The following KIRREL3 variants were observed in gnomAD, a reference collection of about 807,000 sequenced individuals.
KIRREL3 encodes the protein kirre like nephrin family adhesion molecule 3, also known as kin of IRRE-like protein 3.
In KIRREL3, 36 loss-of-function variants were observed where a neutral mutation model predicts 89.7. The ratio of observed to expected loss-of-function variants is 0.40; its 90% CI spans 0.31 to 0.53. The LOEUF is 0.53. KIRREL3 is among the 20% of genes least tolerant of loss of function. The pLI is 0.49. For synonymous variants in KIRREL3, 445 were observed against 441.4 expected (o/e 1.01, Z -0.10); for missense variants, 864 against 1,056.6 (o/e 0.82, Z 2.53).
In KIRREL3 at chr11:126,520,642, G is replaced by A. The variant is rs1260756211; in HGVS notation, c.433+673C>T. Among the ~76,000 whole-genome samples the A allele has an allele frequency of 6.6e-6, 1 of 152,192 alleles. No individual in the cohort carries two copies. Among genetic ancestry groups the A allele is most frequent in the Non-Finnish European group, 1.5e-5 (1 of 68,026 alleles). The stretch of plus-strand genomic sequence containing the variant: ...TAAATCAGAACTAGGCGGTTTAAGA[G>A]GTCACCGAGCCCATTCCCCTGTCTT... On this transcript the variant is annotated intron_variant, in intron 4 of 16. Transcript: ENST00000525144. The surrounding 1 kb of genome is among the most constrained non-coding windows in gnomAD (Gnocchi z 4.9).
rs1380709671 is a variant in KIRREL3, at chr11:126,498,733, T to G, written c.433+22582A>C. Among the ~76,000 whole-genome samples, 2 of 152,218 alleles carry G rather than the reference T, an allele frequency of 1.3e-5. No homozygotes were observed. Among genetic ancestry groups the G allele is most frequent in the Admixed American group, 1.3e-4 (2 of 15,292 alleles). On this transcript the variant is annotated intron_variant, in intron 4 of 16. Transcript: ENST00000525144. The surrounding 1 kb of genome is among the most constrained non-coding windows in gnomAD (Gnocchi z 4.3). ...GAGCTGGCCTGGCGTCCCAGTATCCTGCTTCCTGGGAGGAGCACCTTCCCT... is the reference window on the plus strand; with the variant it reads ...GAGCTGGCCTGGCGTCCCAGTATCCGGCTTCCTGGGAGGAGCACCTTCCCT...
rs182307287 is a variant in KIRREL3 at position 126,577,397 on chromosome 11, T to G, written c.56-14485A>C. Among the ~76,000 whole-genome samples the G allele has an allele frequency of 2.9e-3, 445 of 151,630 alleles. 1 individual carries two copies. Among genetic ancestry groups the G allele is most frequent in the Non-Finnish European group, 5.1e-3 (349 of 67,890 alleles). On this transcript the variant is annotated intron_variant, in intron 1 of 16. Transcript: ENST00000525144. ...GGTCCAGGGCATCTGTTGGACAAAT[T>G]TGGGTCTGATAACTCAGAGTGGGGA...
chr11:126,835,873 G>T (rs552093895), intron 1 of KIRREL3, among the ~76,000 whole-genome samples: 1 of 152,300 alleles, frequency 6.6e-6, no homozygotes, highest in South Asian at 2.1e-4. Flanking sequence ...GTGCACTAGA[G>T]ACTGAGATCA....
Position 126,890,764 on chromosome 11 carries a change from C to A in KIRREL3, c.55+109691G>T, listed in dbSNP as rs1360739688. On this transcript the variant is annotated intron_variant, in intron 1 of 16. Transcript: ENST00000525144. The surrounding 1 kb of genome is among the most constrained non-coding windows in gnomAD (Gnocchi z 5.1). ...AGTAGACGACTGCAAACATGAGCGTCCCCCAGTCCCAGCACCACAGCGGCC... is the reference window on the plus strand; with the variant it reads ...AGTAGACGACTGCAAACATGAGCGTACCCCAGTCCCAGCACCACAGCGGCC... Among the ~76,000 whole-genome samples the A allele has an allele frequency of 6.6e-6, 1 of 152,230 alleles. No homozygotes were observed. Among genetic ancestry groups the A allele is most frequent in the Non-Finnish European group, 1.5e-5 (1 of 68,046 alleles).
At chr11:126,497,145 C>T (rs917076554) in intron 4 of KIRREL3, among the ~76,000 whole-genome samples, 7 of 150,452 alleles carry the variant, frequency 4.7e-5, no homozygotes, top group Admixed American at 1.3e-4. Context: ...AGAGAGAGAG[C>T]GAGAGAGTGT....
rs113526673 is a variant in KIRREL3, at chr11:126,844,698, G to T, written c.55+155757C>A. On this transcript the variant is annotated intron_variant, in intron 1 of 16. Transcript: ENST00000525144. The surrounding 1 kb of genome is among the most constrained non-coding windows in gnomAD (Gnocchi z 4.8). ...GTAAAGTCTCTCTCAGCTAAGAATG[G>T]GTTTGGCACTATAGGATGTTAACTG... 2.0e-3 allele frequency among the ~76,000 whole-genome samples: 297 copies of T among 152,256 alleles called. No homozygotes were observed. The highest frequency in any genetic ancestry group is 6.8e-3 in the African/African-American group (284 of 41,552).
chr11:126,673,276 T>G (rs1946040308), intron 1 of KIRREL3, among the ~76,000 whole-genome samples: 1 of 152,234 alleles, frequency 6.6e-6, no homozygotes, highest in South Asian at 2.1e-4. Context: ...GAGATAATTG[T>G]GCTGCTTGTT....
intron 1 of KIRREL3, among the ~76,000 whole-genome samples, chr11:126,921,715 T>C (rs1947314412): frequency 6.6e-6 from 1 of 151,258 alleles, no homozygotes; most frequent in Admixed American, 6.6e-5. Flanking sequence ...TTTTTCTTTC[T>C]ATCTATATCT....
rs1389359969 is a variant in KIRREL3, at chr11:126,799,399, C to T, written c.55+201056G>A. Among the ~76,000 whole-genome samples, 51 of 1,598 alleles carry T rather than the reference C, an allele frequency of 0.032. 12 individuals carry two copies. In the East Asian group the frequency reaches 0.47, roughly 15 times the overall value. 1.0% of individuals were successfully genotyped at this position (1,598 alleles called of 152,430 possible). A position where few individuals can be genotyped will look rare whatever the true frequency, so the allele number is the denominator to read the frequency against. On this transcript the variant is annotated intron_variant, in intron 1 of 16. Transcript: ENST00000525144. Reference sequence around the variant, plus strand: ...GTGTGCATGCGTGTATCTGTGTGTGCATCTATCTGTGTGTGCGTCTCTGTG... The same window carrying T: ...GTGTGCATGCGTGTATCTGTGTGTGTATCTATCTGTGTGTGCGTCTCTGTG...
chr11:126,933,178 T>C (rs1350847984), intron 1 of KIRREL3, among the ~76,000 whole-genome samples: 1 of 152,178 alleles, frequency 6.6e-6, no homozygotes, highest in Non-Finnish European at 1.5e-5. Context: ...GGAAAAATGC[T>C]GTGCAATTCA....
At position 126,475,104 on chromosome 11, in the gene KIRREL3, G is replaced by C. The variant is rs1270370709; in HGVS notation, c.434-1638C>G. On this transcript the variant is annotated intron_variant, in intron 4 of 16. Transcript: ENST00000525144. This position sits in a 1 kb window ranked among gnomAD's most constrained non-coding sequence, Gnocchi z 7.5. ...TGTGTACACAGCAAACACAGAAGGG[G>C]TAGTTGGATAACGGGGGCGTGGGAA... 6.6e-6 allele frequency among the ~76,000 whole-genome samples: 1 copy of C among 152,224 alleles called. No individual in the cohort carries two copies. The highest frequency in any genetic ancestry group is 1.5e-5 in the Non-Finnish European group (1 of 68,038).
Position 126,906,219 on chromosome 11 carries a change from G to A in KIRREL3, c.55+94236C>T, listed in dbSNP as rs761637187. Among the ~76,000 whole-genome samples, 1 of 152,098 alleles carries A rather than the reference G, an allele frequency of 6.6e-6. No homozygotes were observed. The highest frequency in any genetic ancestry group is 2.1e-4 in the South Asian group (1 of 4,824). ...GACTTTCTGACAGCTCCCTTTCTGC[G>A]GGCTGACTGCTCAAGAAGCAAGATG... On this transcript the variant is annotated intron_variant, in intron 1 of 16. Transcript: ENST00000525144. This position sits in a 1 kb window ranked among gnomAD's most constrained non-coding sequence, Gnocchi z 4.1.
chr11:126,512,770 C>T (rs760104756), intron 4 of KIRREL3, among the ~76,000 whole-genome samples: 1 of 152,160 alleles, frequency 6.6e-6, no homozygotes, highest in African/African-American at 2.4e-5. Context: ...GGTATATTAT[C>T]CTTGCTCTCA....
intron 1 of KIRREL3, among the ~76,000 whole-genome samples, chr11:126,824,492 C>A (rs546012846): frequency 6.6e-6 from 1 of 152,236 alleles, no homozygotes; most frequent in Non-Finnish European, 1.5e-5. Context: ...CTCAATCGAT[C>A]CAGAAAGTTT....
rs151242529 is a variant in KIRREL3, at chr11:126,878,800, C to A, written c.55+121655G>T. Among the ~76,000 whole-genome samples the A allele has an allele frequency of 1.1e-4, 17 of 152,132 alleles. No homozygotes were observed. In the East Asian group the frequency reaches 3.1e-3, roughly 28 times the overall value. ...GTTTTTGGATAGTTCAGCATATATC[C>A]ATATTAAAGCTTTTAAGCCTCCCAA... On this transcript the variant is annotated intron_variant, in intron 1 of 16. Transcript: ENST00000525144.
intron 6 of KIRREL3, among the ~76,000 whole-genome samples, chr11:126,457,507 A>ATG (rs544538678): frequency 1.2e-4 from 18 of 149,694 alleles, no homozygotes; most frequent in Admixed American, 6.7e-4. Context: ...GCGTGTGTGT[A>ATG]TGTGTGTGTG....
chr11:126,546,109 T>C (rs1300852229), intron 2 of KIRREL3, among the ~76,000 whole-genome samples: 1 of 152,190 alleles, frequency 6.6e-6, no homozygotes, highest in Non-Finnish European at 1.5e-5. Flanking sequence ...GGATATATGA[T>C]AAATAAGGGG....
At chr11:126,868,864 G>A (rs922443253) in intron 1 of KIRREL3, among the ~76,000 whole-genome samples, 3 of 152,074 alleles carry the variant, frequency 2.0e-5, no homozygotes, top group African/African-American at 7.2e-5. Context: ...TCTGGGGAGG[G>A]CCTGGTTTCC....
At chr11:126,855,923 G>A (rs1463434424) in intron 1 of KIRREL3, among the ~76,000 whole-genome samples, 1 of 152,140 alleles carries the variant, frequency 6.6e-6, no homozygotes, top group Non-Finnish European at 1.5e-5. Context: ...ACCCAGCAGG[G>A]GCTACATAGG....
Sources: gnomAD v4.1 joint callset for allele counts (sites outside exome capture counted in the v4.1 genomes callset) on GRCh38, gnomAD v4.1.1 for gene constraint, Gnocchi (gnomAD v3.1) non-coding constraint, MANE v1.5 for transcripts, NCBI Gene and HGNC (gene_info 2026-07-23, HGNC 2026-07-21) for gene names.